The following PHC3 variants were observed in gnomAD, a reference collection of about 807,000 sequenced individuals.
The protein encoded by PHC3 is polyhomeotic-like protein 3.
In PHC3, 13 loss-of-function variants were observed where a neutral mutation model predicts 107.4. The observed-to-expected ratio is 0.12, with a 90% CI of 0.08 to 0.19. The LOEUF is 0.19. PHC3 is among the 10% of genes least tolerant of loss of function. The pLI, the probability that PHC3 is intolerant of heterozygous loss-of-function variation, is 1.00. For missense variants in PHC3, 992 were observed against 1,210.9 expected (o/e 0.82, Z 2.68); for synonymous variants, 456 against 427.4 (o/e 1.07, Z -0.83).
chr3:170,108,614 C>G (rs1717020850), intron 11 of PHC3, among the ~76,000 whole-genome samples: 1 of 152,158 alleles, frequency 6.6e-6, no homozygotes, highest in African/African-American at 2.4e-5. Context: ...ACGGCCCAGT[C>G]AGGAGATCCA....
intron 8 of PHC3, among the ~76,000 whole-genome samples, chr3:170,126,528 ATTTT>A (rs1553788612): frequency 1.5e-4 from 14 of 90,634 alleles, no homozygotes; most frequent in African/African-American, 4.9e-4. Flanking sequence ...ATATATATAT[ATTTT>A]TTTTTTTTTT....
At chr3:170,173,939 T>A (rs908468652) in intron 2 of PHC3, among the ~76,000 whole-genome samples, 2 of 152,232 alleles carry the variant, frequency 1.3e-5, no homozygotes, top group African/African-American at 4.8e-5. Context: ...ATGCCTGTGA[T>A]CCCACCACTT....
chr3:170,149,069 G>A lies in PHC3; in HGVS notation c.573+17C>T. ...AAGTCCTTAAACACTGAAAAAATTT[G>A]GTAGCTCATATCTTACCATTTGAGC... On this transcript the variant is annotated intron_variant, in intron 5 of 14. Coordinates refer to ENST00000495893, the MANE Select transcript of PHC3 (RefSeq NM_024947.4). 2 of 1,608,302 alleles carry A rather than the reference G, an allele frequency of 1.2e-6. No homozygotes were observed. Among genetic ancestry groups the A allele is most frequent in the Non-Finnish European group, 1.7e-6 (2 of 1,177,392 alleles).
intron 2 of PHC3, among the ~76,000 whole-genome samples, chr3:170,178,185 T>C (rs11505016): frequency 0.012 from 1,810 of 148,128 alleles, 39 homozygotes; most frequent in African/African-American, 0.043. Context: ...GTTCTGTCGC[T>C]CAGGCGGGAG....
intron 4 of PHC3, 49 bp from the exon 5 acceptor site, chr3:170,149,293 T>C (rs1484269943): frequency 5.8e-6 from 9 of 1,540,404 alleles, no homozygotes; most frequent in Non-Finnish European, 7.0e-6. Flanking sequence ...CTTGCTTCCA[T>C]GTTACTGAAT....
intron 9 of PHC3, 26 bp from the exon 10 acceptor site, chr3:170,117,502 T>A (rs1479678897): frequency 3.9e-5 from 61 of 1,581,266 alleles, no homozygotes; most frequent in Non-Finnish European, 4.7e-5. Flanking sequence ...AAAAGTCATT[T>A]AAAAATTTTT....
rs1436608254 is a variant in PHC3 at position 170,093,742 on chromosome 3, A to C, written c.*3488T>G. ...ATCTAAGACTTGTATTTGTGAATAGATGTCTCATTATAATTTTATACTTGA... is the reference window on the plus strand; with the variant it reads ...ATCTAAGACTTGTATTTGTGAATAGCTGTCTCATTATAATTTTATACTTGA... On this transcript the variant is annotated 3_prime_UTR_variant, in exon 15 of 15. Transcript: ENST00000495893. The C allele has an allele frequency of 6.6e-6, 1 of 152,192 alleles. No homozygotes were observed. The highest frequency in any genetic ancestry group is 6.5e-5 in the Admixed American group (1 of 15,272). The allele number at this position is 152,192 out of a possible 1,614,324, so 9.4% of individuals were successfully genotyped here. A position where few individuals can be genotyped will look rare whatever the true frequency, so the allele number is the denominator to read the frequency against.
intron 12 of PHC3, among the ~76,000 whole-genome samples, chr3:170,105,432 AACC>A (rs1716298341): frequency 6.6e-6 from 1 of 152,232 alleles, no homozygotes; most frequent in African/African-American, 2.4e-5. Flanking sequence ...TTTTGGAAAT[AACC>A]TATACGAAAT....
At chr3:170,176,954 A>T (rs1340855183) in intron 2 of PHC3, 1 of 453,808 alleles carries the variant, frequency 2.2e-6, no homozygotes, top group East Asian at 7.0e-5. Flanking sequence ...GAATTCAAAC[A>T]AAGTATAATA....
rs1714333197 is a variant in PHC3, at chr3:170,093,641, A to G, written c.*3589T>C. On this transcript the variant is annotated 3_prime_UTR_variant, in exon 15 of 15. Transcript: ENST00000495893. ...CCATTGTGGTACCAAAAGCCTGAAG[A>G]TGTACATAATGTACTTTAAGACATT... The G allele has an allele frequency of 6.6e-6, 1 of 152,212 alleles. No individual in the cohort carries two copies. The highest frequency in any genetic ancestry group is 1.5e-5 in the Non-Finnish European group (1 of 68,034). The allele number at this position is 152,212 out of a possible 1,614,324, so 9.4% of individuals were successfully genotyped here.
In PHC3 at chr3:170,088,305, T is replaced by C. The variant is rs963276423; in HGVS notation, c.*8925A>G. 14 of 152,220 alleles carry C rather than the reference T, an allele frequency of 9.2e-5. No individual in the cohort carries two copies. Among genetic ancestry groups the C allele is most frequent in the South Asian group, 2.1e-4 (1 of 4,834 alleles). The allele number at this position is 152,220 out of a possible 1,614,324, so 9.4% of individuals were successfully genotyped here. A position where few individuals can be genotyped will look rare whatever the true frequency, so the allele number is the denominator to read the frequency against. ...AATTAAAAAATTGGTTAACGTGTGC[T>C]TGAAGCATCCAAAAAACACCAGTTT... On this transcript the variant is annotated 3_prime_UTR_variant, in exon 15 of 15. Transcript: ENST00000495893.
chr3:170,140,385 C>G (rs1211291505), intron 6 of PHC3, among the ~76,000 whole-genome samples: 5 of 150,062 alleles, frequency 3.3e-5, no homozygotes, highest in African/African-American at 1.2e-4. Context: ...TCCTGAGTAG[C>G]TAGGACTACA....
intron 11 of PHC3, among the ~76,000 whole-genome samples, chr3:170,113,036 T>A (rs1035993225): frequency 6.6e-6 from 1 of 152,216 alleles, no homozygotes; most frequent in African/African-American, 2.4e-5. Flanking sequence ...TACTTAAGTC[T>A]GCTTTAAAAA....
chr3:170,120,875 G>A (rs1720148843), intron 9 of PHC3, among the ~76,000 whole-genome samples: 1 of 151,956 alleles, frequency 6.6e-6, no homozygotes, highest in African/African-American at 2.4e-5. Context: ...TGATCATGAG[G>A]GCAATAAGAT....
At chr3:170,167,198 G>A (rs781410072) in intron 4 of PHC3, among the ~76,000 whole-genome samples, 15 of 152,108 alleles carry the variant, frequency 9.9e-5, no homozygotes, top group Non-Finnish European at 1.9e-4. Flanking sequence ...ACCCAGGCTG[G>A]AGTGCAATGG....
intron 2 of PHC3, among the ~76,000 whole-genome samples, chr3:170,176,529 A>T (rs1009114234): frequency 5.9e-5 from 9 of 152,196 alleles, no homozygotes; most frequent in Non-Finnish European, 1.2e-4. Flanking sequence ...TAGAAAAAAT[A>T]AGAATTCACA....
At chr3:170,127,112 T>C (rs971905770) in intron 8 of PHC3, among the ~76,000 whole-genome samples, 5 of 152,182 alleles carry the variant, frequency 3.3e-5, no homozygotes, top group South Asian at 2.1e-4. Context: ...ACAATATCCA[T>C]AGTAAACTCC....
chr3:170,136,352 C>T (rs760615032), intron 7 of PHC3, 67 bp downstream of exon 7: 26 of 1,584,598 alleles, frequency 1.6e-5, no homozygotes, highest in Middle Eastern at 1.7e-4. Flanking sequence ...CATGAACATC[C>T]TTTGTTTTGC....
intron 4 of PHC3, among the ~76,000 whole-genome samples, chr3:170,152,134 T>C (rs1489783030): frequency 6.6e-6 from 1 of 151,952 alleles, no homozygotes; most frequent in African/African-American, 2.4e-5. Context: ...ACTAATACAA[T>C]ACAGAATTAT....
Sources: allele counts gnomAD v4.1 joint callset (sites outside exome capture counted in the v4.1 genomes callset), GRCh38; gene constraint gnomAD v4.1.1; transcripts MANE v1.5; gene names NCBI Gene and HGNC (gene_info 2026-07-23, HGNC 2026-07-21).